Variants in AFF3 observed in about 807,000 individuals in gnomAD.
The protein encoded by AFF3 is ALF transcription elongation factor 3.
In AFF3, 32 loss-of-function variants were observed where a neutral mutation model predicts 129.7. The ratio of observed to expected loss-of-function variants is 0.25; its 90% CI spans 0.19 to 0.33. The LOEUF is 0.33. Among genes scored for constraint, AFF3 ranks in the 10% least tolerant of loss-of-function variants. The probability of loss-of-function intolerance (pLI) is 1.00; values close to 1 mark genes in which losing one functional copy is unlikely to be tolerated. For missense variants in AFF3, 1,373 were observed against 1,592.0 expected (o/e 0.86, Z 2.34); for synonymous variants, 644 against 635.4 (o/e 1.01, Z -0.20).
intron 11 of AFF3, among the ~76,000 whole-genome samples, chr2:99,682,605 C>T (rs1674634522): frequency 6.6e-6 from 1 of 152,222 alleles, no homozygotes; most frequent in Non-Finnish European, 1.5e-5. Context: ...GAAGTCCCCA[C>T]ACTTTCGTCA....
rs868479990 is a variant in AFF3 at position 99,705,892 on chromosome 2, A to C, written c.1091+21185T>G. Among the ~76,000 whole-genome samples, 289 of 151,330 alleles carry C rather than the reference A, an allele frequency of 1.9e-3. 5 individuals are homozygous for C. The highest frequency in any genetic ancestry group is 6.7e-3 in the African/African-American group (274 of 41,192). ...TGCGCCTCAAAAAAAAAAAAAAAAA[A>C]AAAAAAAACACGCCCTTTGGGTTGC... On this transcript the variant is annotated intron_variant, in intron 11 of 24. Transcript: ENST00000672756.
intron 10 of AFF3, among the ~76,000 whole-genome samples, chr2:99,735,338 T>C (rs537370298): frequency 2.0e-5 from 3 of 152,300 alleles, no homozygotes; most frequent in African/African-American, 7.2e-5. Context: ...TTTGGCTCCA[T>C]TGACATTTAA....
chr2:99,856,539 CATTG>C (rs750602053), intron 7 of AFF3, among the ~76,000 whole-genome samples: 6 of 152,138 alleles, frequency 3.9e-5, no homozygotes, highest in Non-Finnish European at 7.4e-5. Context: ...GTACAGATAA[CATTG>C]AAGCATTACA....
At chr2:100,126,344 G>A (rs1692191357) in intron 2 of AFF3, among the ~76,000 whole-genome samples, 1 of 152,216 alleles carries the variant, frequency 6.6e-6, no homozygotes. Context: ...ATGAGGCCGG[G>A]CCAGCTGCCA....
intron 11 of AFF3, among the ~76,000 whole-genome samples, chr2:99,717,448 G>A (rs1162726656): frequency 6.6e-6 from 1 of 152,048 alleles, no homozygotes; most frequent in Non-Finnish European, 1.5e-5. Flanking sequence ...TCTCATTGTG[G>A]CTTTAATTTG....
chr2:99,992,641 T>TA (rs1458293882), intron 7 of AFF3, among the ~76,000 whole-genome samples: 2 of 152,210 alleles, frequency 1.3e-5, no homozygotes, highest in Non-Finnish European at 2.9e-5. Context: ...TTAAAAAAAT[T>TA]AGACTGTCAT....
intron 7 of AFF3, among the ~76,000 whole-genome samples, chr2:99,885,260 T>G (rs566874808): frequency 3.6e-4 from 55 of 152,298 alleles, no homozygotes; most frequent in African/African-American, 1.3e-3. Flanking sequence ...TTCATCCACT[T>G]TACCCTACCT....
chr2:99,562,303 A>AT (rs778608598), intron 20 of AFF3, among the ~76,000 whole-genome samples: 8 of 151,918 alleles, frequency 5.3e-5, no homozygotes, highest in Non-Finnish European at 7.4e-5. Context: ...CAAATGTTGG[A>AT]TTTTTTCTTA....
intron 7 of AFF3, among the ~76,000 whole-genome samples, chr2:99,976,025 G>T (rs778324171): frequency 2.2e-4 from 34 of 152,144 alleles, no homozygotes; most frequent in Admixed American, 4.6e-4. Flanking sequence ...CACCAGAAGA[G>T]CTCATTTTCC....
intron 2 of AFF3, 77 bp from the exon 3 acceptor site, chr2:100,105,660 C>T (rs1285748468): frequency 2.2e-6 from 3 of 1,345,594 alleles, no homozygotes; most frequent in African/African-American, 1.5e-5. Context: ...ACAGCTCTTC[C>T]CCCTGGCTTA....
At chr2:99,657,323 T>C (rs1380113233) in intron 12 of AFF3, among the ~76,000 whole-genome samples, 3 of 152,228 alleles carry the variant, frequency 2.0e-5, no homozygotes, top group Non-Finnish European at 2.9e-5. Flanking sequence ...TTAACTCTTT[T>C]GTAAAAGTTC....
intron 7 of AFF3, among the ~76,000 whole-genome samples, chr2:99,900,035 A>G (rs1694235602): frequency 6.6e-6 from 1 of 152,246 alleles, no homozygotes; most frequent in Non-Finnish European, 1.5e-5. Flanking sequence ...ATTTCAATGC[A>G]AGGCCATGGA....
intron 14 of AFF3, among the ~76,000 whole-genome samples, chr2:99,600,698 C>T (rs990512407): frequency 1.3e-5 from 2 of 152,188 alleles, no homozygotes; most frequent in Non-Finnish European, 2.9e-5. Flanking sequence ...ACCCTTAGAG[C>T]TCTGCAGCCT....
At chr2:99,835,068 C>T (rs1688761810) in intron 8 of AFF3, among the ~76,000 whole-genome samples, 1 of 151,996 alleles carries the variant, frequency 6.6e-6, no homozygotes, top group African/African-American at 2.4e-5. Context: ...TCCCGCAAAC[C>T]AGGATCTTCC....
chr2:99,720,375 G>A (rs1678783011), intron 11 of AFF3, among the ~76,000 whole-genome samples: 1 of 152,206 alleles, frequency 6.6e-6, no homozygotes, highest in African/African-American at 2.4e-5. Context: ...GTTCCTGGAA[G>A]AGTAGGTTGT....
At chr2:100,135,617 A>G (rs1692608243) in intron 1 of AFF3, among the ~76,000 whole-genome samples, 2 of 152,186 alleles carry the variant, frequency 1.3e-5, no homozygotes, top group Non-Finnish European at 2.9e-5. Context: ...CCAAATACCC[A>G]GATTCATGAC....
intron 7 of AFF3, among the ~76,000 whole-genome samples, chr2:99,961,155 C>T (rs1490628864): frequency 2.6e-5 from 4 of 152,200 alleles, no homozygotes; most frequent in Non-Finnish European, 4.4e-5. Flanking sequence ...TCTTCTCCCA[C>T]TAACATCTCC....
intron 13 of AFF3, among the ~76,000 whole-genome samples, chr2:99,629,964 A>T (rs1426535067): frequency 6.6e-6 from 1 of 152,218 alleles, no homozygotes; most frequent in Non-Finnish European, 1.5e-5. Context: ...GAGAACGTGA[A>T]CATTTAGTTC....
chr2:99,969,577 C>T (rs1440074321), intron 7 of AFF3, among the ~76,000 whole-genome samples: 2 of 152,138 alleles, frequency 1.3e-5, no homozygotes, highest in African/African-American at 4.8e-5. Context: ...CAACCTCCGC[C>T]TCCCAGGCTC....
Sources: gnomAD v4.1 joint callset for allele counts (sites outside exome capture counted in the v4.1 genomes callset) on GRCh38, gnomAD v4.1.1 for gene constraint, MANE v1.5 for transcripts, NCBI Gene and HGNC (gene_info 2026-07-23, HGNC 2026-07-21) for gene names.